The following CADPS2 variants were observed in gnomAD, a reference collection of about 807,000 sequenced individuals.
The protein encoded by CADPS2 is calcium dependent secretion activator 2.
In CADPS2, 93 loss-of-function variants were observed where a neutral mutation model predicts 172.5. That is an observed-to-expected ratio of 0.54 (90% CI 0.46 to 0.64). The LOEUF (loss-of-function observed/expected upper bound fraction) is 0.64, where lower values mean the gene tolerates loss of function less well. CADPS2 is among the 30% of genes least tolerant of loss of function. CADPS2 has a pLI of 0.00. For synonymous variants in CADPS2, 546 were observed against 555.2 expected (o/e 0.98, Z 0.23); for missense variants, 1,420 against 1,565.9 (o/e 0.91, Z 1.57).
At chr7:122,324,960 TG>T (rs1245028620) in intron 29 of CADPS2, among the ~76,000 whole-genome samples, 1 of 152,158 alleles carries the variant, frequency 6.6e-6, no homozygotes, top group Non-Finnish European at 1.5e-5. Flanking sequence ...TCAGTAGTTT[TG>T]GGTGGTCTCC....
chr7:122,473,832 C>T (rs10227160), intron 13 of CADPS2, among the ~76,000 whole-genome samples: 4,007 of 152,264 alleles, frequency 0.026, 175 homozygotes, highest in African/African-American at 0.092. Flanking sequence ...ATTTAATTCA[C>T]TCCTTTCCTT....
In CADPS2 at chr7:122,447,543, A is replaced by ATTTTTTTTTTTTTTTTTTTTTTTTT. The variant is rs1159112244; in HGVS notation, c.2288+3806_2288+3830dup. On this transcript the variant is annotated intron_variant, in intron 15 of 29. Coordinates refer to ENST00000449022, the MANE Select transcript of CADPS2 (RefSeq NM_017954.11). ...CCATGTTGATTTCTTGTTTCGGGGA[A>ATTTTTTTTTTTTTTTTTTTTTTTTT]TTTTTTTTTTTTTTTTTTTTTTTTT... 8.6e-4 allele frequency among the ~76,000 whole-genome samples: 77 copies of ATTTTTTTTTTTTTTTTTTTTTTTTT among 89,796 alleles called. 12 individuals carry two copies. The highest frequency in any genetic ancestry group is 4.6e-3 in the East Asian group (12 of 2,594). The allele number at this position is 89,796 out of a possible 152,430, so 58.9% of individuals were successfully genotyped here.
chr7:122,773,925 A>G (rs1487467055), intron 1 of CADPS2, among the ~76,000 whole-genome samples: 1 of 152,032 alleles, frequency 6.6e-6, no homozygotes, highest in African/African-American at 2.4e-5. Context: ...TGTTCTGACA[A>G]TAGACGAATT....
intron 27 of CADPS2, among the ~76,000 whole-genome samples, chr7:122,357,774 A>C (rs2039607836): frequency 6.6e-6 from 1 of 152,166 alleles, no homozygotes; most frequent in Non-Finnish European, 1.5e-5. Context: ...GGCAATATGC[A>C]TTTAAGATTC....
At chr7:122,651,719 T>A (rs1326885812) in intron 3 of CADPS2, among the ~76,000 whole-genome samples, 4 of 152,276 alleles carry the variant, frequency 2.6e-5, no homozygotes, top group South Asian at 2.1e-4. Flanking sequence ...TTTCTTCAGT[T>A]AATGGAATGA....
chr7:122,485,738 A>G (rs962238689), intron 11 of CADPS2, among the ~76,000 whole-genome samples: 7 of 152,348 alleles, frequency 4.6e-5, no homozygotes, highest in Admixed American at 1.3e-4. Context: ...ATAATCTTCT[A>G]TTGGAAGAAG....
At chr7:122,710,127 T>C (rs905471140) in intron 2 of CADPS2, among the ~76,000 whole-genome samples, 4 of 151,900 alleles carry the variant, frequency 2.6e-5, no homozygotes, top group East Asian at 1.9e-4. Context: ...CATTGAAAGT[T>C]TGCATATGCA....
chr7:122,414,350 T>C (rs2151740379), intron 18 of CADPS2, among the ~76,000 whole-genome samples: 1 of 152,324 alleles, frequency 6.6e-6, no homozygotes, highest in Admixed American at 6.5e-5. Flanking sequence ...TTTTAGTTTT[T>C]GTAAAATGTT....
intron 27 of CADPS2, among the ~76,000 whole-genome samples, chr7:122,358,976 T>G (rs779458563): frequency 5.9e-5 from 9 of 152,166 alleles, no homozygotes; most frequent in Non-Finnish European, 1.3e-4. Flanking sequence ...CATAATGATA[T>G]GTCTGTTTCC....
chr7:122,648,163 C>T (rs2078760735), intron 3 of CADPS2, among the ~76,000 whole-genome samples: 1 of 151,998 alleles, frequency 6.6e-6, no homozygotes, highest in Non-Finnish European at 1.5e-5. Context: ...TTCCCTGATG[C>T]CTCACTCTCT....
chr7:122,513,795 C>A (rs1016822327), intron 8 of CADPS2, among the ~76,000 whole-genome samples: 1 of 152,180 alleles, frequency 6.6e-6, no homozygotes, highest in Non-Finnish European at 1.5e-5. Context: ...CAATCTCAGT[C>A]TCCATGTCCT....
chr7:122,772,076 T>G (rs1046551217), intron 1 of CADPS2, among the ~76,000 whole-genome samples: 7 of 152,146 alleles, frequency 4.6e-5, no homozygotes, highest in African/African-American at 1.4e-4. Flanking sequence ...GCTAATACAC[T>G]TGACATGGAG....
intron 1 of CADPS2, among the ~76,000 whole-genome samples, chr7:122,741,487 C>G (rs981121226): frequency 2.0e-5 from 3 of 152,132 alleles, no homozygotes; most frequent in East Asian, 3.9e-4. Context: ...ACTGTGAATA[C>G]CTTAAATCCT....
At chr7:122,826,880 C>G (rs999796958) in intron 1 of CADPS2, among the ~76,000 whole-genome samples, 2 of 151,390 alleles carry the variant, frequency 1.3e-5, no homozygotes, top group African/African-American at 4.9e-5. Flanking sequence ...CGTTAAGAAC[C>G]CAGAAAAAGA....
At chr7:122,628,585 G>T (rs1413014116) in intron 4 of CADPS2, among the ~76,000 whole-genome samples, 1 of 151,374 alleles carries the variant, frequency 6.6e-6, no homozygotes, top group African/African-American at 2.4e-5. Context: ...TCATATCATT[G>T]AAGTAAGTTA....
chr7:122,381,544 GT>G (rs2042997560), intron 24 of CADPS2, among the ~76,000 whole-genome samples: 1 of 152,092 alleles, frequency 6.6e-6, no homozygotes, highest in Non-Finnish European at 1.5e-5. Flanking sequence ...GCTTCTACAT[GT>G]TAAACTTTTG....
chr7:122,886,269 C>G lies in CADPS2; in HGVS notation c.69G>C (p.Leu23=), dbSNP rs998367459. Residue 23 remains leucine, a synonymous_variant, in exon 1 of 30, where the codon CTG becomes CTC. Coordinates refer to ENST00000449022, the MANE Select transcript of CADPS2 (RefSeq NM_017954.11). ...EGLEEESRDV[L]VAAGSSQRAP... ...CTCGCTGCGAGCTGCCGGCTGCCAC[C>G]AGCACATCGCGGCTTTCCTCTTCCA... 4.7e-6 allele frequency: 7 copies of G among 1,505,300 alleles called. No individual in the cohort carries two copies. The South Asian group carries it at 6.2e-5, about 13-fold the overall frequency. 93.2% of individuals were successfully genotyped at this position (1,505,300 alleles called of 1,614,324 possible). A position where few individuals can be genotyped will look rare whatever the true frequency, so the allele number is the denominator to read the frequency against.
intron 11 of CADPS2, among the ~76,000 whole-genome samples, chr7:122,485,868 A>T (rs1298586270): frequency 6.6e-6 from 1 of 152,218 alleles, no homozygotes; most frequent in South Asian, 2.1e-4. Flanking sequence ...GCCAATGTTT[A>T]TTAACCATTT....
At chr7:122,858,251 T>C (rs1815885297) in intron 1 of CADPS2, among the ~76,000 whole-genome samples, 1 of 152,100 alleles carries the variant, frequency 6.6e-6, no homozygotes, top group Non-Finnish European at 1.5e-5. Context: ...TACCCAGAAG[T>C]CCAGCTGGCT....
Sources: gnomAD v4.1 joint callset for allele counts (sites outside exome capture counted in the v4.1 genomes callset) on GRCh38, gnomAD v4.1.1 for gene constraint, MANE v1.5 for transcripts, NCBI Gene and HGNC (gene_info 2026-07-23, HGNC 2026-07-21) for gene names.